Variants in SLIT3 observed in about 807,000 individuals in gnomAD.
The protein encoded by SLIT3 is slit homolog 3 protein.
In SLIT3, 68 loss-of-function variants were observed where a neutral mutation model predicts 184.0. The ratio of observed to expected loss-of-function variants is 0.37; its 90% CI spans 0.30 to 0.45. The LOEUF is 0.45. SLIT3 is among the 20% of genes least tolerant of loss of function. SLIT3 has a pLI of 1.00. For synonymous variants in SLIT3, 831 were observed against 828.6 expected (o/e 1.00, Z -0.05); for missense variants, 1,707 against 2,026.0 (o/e 0.84, Z 3.02).
intron 3 of SLIT3, among the ~76,000 whole-genome samples, chr5:169,207,384 C>T (rs1338308949): frequency 3.5e-4 from 53 of 149,726 alleles, no homozygotes; most frequent in African/African-American, 1.2e-3. Flanking sequence ...CACACACACA[C>T]ACACACACAC....
At chr5:168,789,738 T>A in intron 10 of SLIT3, 107 bp from the exon 11 acceptor site, 1 of 809,854 alleles carries the variant, frequency 1.2e-6, no homozygotes. Context: ...TAAGGATTAA[T>A]CAATCAATCA....
chr5:168,956,824 C>T (rs114046320), intron 4 of SLIT3, among the ~76,000 whole-genome samples: 1,962 of 151,724 alleles, frequency 0.013, 53 homozygotes, highest in African/African-American at 0.045. Flanking sequence ...CAGAAGGTAG[C>T]AAGATTTTGA....
intron 4 of SLIT3, chr5:169,023,853 A>C (rs1422991673): frequency 6.6e-6 from 1 of 152,148 alleles, no homozygotes; most frequent in Non-Finnish European, 1.5e-5. Context: ...TGGTATTATG[A>C]AGTCAGATGC....
intron 27 of SLIT3, among the ~76,000 whole-genome samples, chr5:168,696,654 T>C (rs1762074026): frequency 6.6e-6 from 1 of 152,172 alleles, no homozygotes; most frequent in Admixed American, 6.5e-5. Flanking sequence ...GGCAATGTTC[T>C]ATCTCCCCTG....
intron 5 of SLIT3, chr5:168,844,859 CA>C: frequency 1.9e-6 from 1 of 525,844 alleles, no homozygotes; most frequent in Non-Finnish European, 3.4e-6. Flanking sequence ...ACGAGCGCAC[CA>C]AAAGGCTGTC....
Position 169,198,656 on chromosome 5 carries a change from G to A in SLIT3, c.342-5106C>T, listed in dbSNP as rs950694057. The stretch of plus-strand genomic sequence containing the variant: ...TGAATTTTAAAAAGTTCTCCTGGCC[G>A]GGCGTGGTGGCTCATGCCTGTAATC... On this transcript the variant is annotated intron_variant, in intron 3 of 35. Coordinates refer to ENST00000519560, the MANE Select transcript of SLIT3 (RefSeq NM_003062.4). 3.9e-5 allele frequency among the ~76,000 whole-genome samples: 6 copies of A among 152,218 alleles called. No homozygotes were observed. The East Asian group carries it at 5.8e-4, about 15-fold the overall frequency.
chr5:168,766,194 T>C (rs1180054678), intron 14 of SLIT3, among the ~76,000 whole-genome samples: 1 of 152,200 alleles, frequency 6.6e-6, no homozygotes, highest in African/African-American at 2.4e-5. Context: ...CATAAATTCA[T>C]TGTTATCTGA....
At chr5:169,075,146 GTGAT>G (rs1248821047) in intron 4 of SLIT3, among the ~76,000 whole-genome samples, 8 of 151,860 alleles carry the variant, frequency 5.3e-5, no homozygotes, top group Admixed American at 1.3e-4. Flanking sequence ...TAACCTGGGA[GTGAT>G]TGATTGTCTT....
intron 4 of SLIT3, among the ~76,000 whole-genome samples, chr5:168,979,842 T>C (rs1267547016): frequency 6.6e-6 from 1 of 152,214 alleles, no homozygotes. Context: ...GTTTTCTCTA[T>C]TTTAACCTTC....
chr5:169,288,635 C>T (rs1336063191), intron 1 of SLIT3, among the ~76,000 whole-genome samples: 1 of 152,052 alleles, frequency 6.6e-6, no homozygotes, highest in Non-Finnish European at 1.5e-5. Context: ...ATTTCACTTG[C>T]TTTATTCATT....
chr5:169,001,255 A>G (rs1755693116), intron 4 of SLIT3, among the ~76,000 whole-genome samples: 1 of 152,168 alleles, frequency 6.6e-6, no homozygotes, highest in South Asian at 2.1e-4. Context: ...CCGTATTTTG[A>G]ACCTGTCTTG....
intron 4 of SLIT3, among the ~76,000 whole-genome samples, chr5:168,885,156 G>C (rs1484260193): frequency 3.3e-5 from 5 of 152,160 alleles, no homozygotes; most frequent in African/African-American, 1.2e-4. Flanking sequence ...TAGCTAAAAC[G>C]AAACTTGACG....
chr5:168,943,829 G>C (rs1333913886), intron 4 of SLIT3, among the ~76,000 whole-genome samples: 2 of 152,146 alleles, frequency 1.3e-5, no homozygotes, highest in South Asian at 2.1e-4. Context: ...CCTTGAATTA[G>C]TGCTTTGACA....
At chr5:168,726,356 G>C (rs1236671365) in intron 20 of SLIT3, among the ~76,000 whole-genome samples, 2 of 96,036 alleles carry the variant, frequency 2.1e-5, no homozygotes, top group Non-Finnish European at 2.2e-5. Context: ...GAGGCAGGGA[G>C]GGAGAGGGAG....
At chr5:168,788,879 T>C (rs996301596) in intron 11 of SLIT3, among the ~76,000 whole-genome samples, 1 of 152,142 alleles carries the variant, frequency 6.6e-6, no homozygotes. Flanking sequence ...TAGGAGGGAA[T>C]GGGATCACTG....
rs910273357 is a variant in SLIT3 at position 169,244,865 on chromosome 5, C to G, written c.270-89G>C. 8 of 1,074,438 alleles carry G rather than the reference C, an allele frequency of 7.4e-6. No individual in the cohort carries two copies. The African/African-American group carries it at 1.1e-4, about 15-fold the overall frequency. The allele number at this position is 1,074,438 out of a possible 1,614,324, so 66.6% of individuals were successfully genotyped here. On this transcript the variant is annotated intron_variant, in intron 2 of 35. Coordinates refer to ENST00000519560, the MANE Select transcript of SLIT3 (RefSeq NM_003062.4). ...TTCATGCCATGCAGGCATGGTCACT[C>G]AGCCCTTCCCATGATCGTCAGTGTC...
intron 4 of SLIT3, among the ~76,000 whole-genome samples, chr5:169,009,805 T>C (rs10038142): frequency 0.23 from 35,287 of 152,106 alleles, 4,562 homozygotes; most frequent in East Asian, 0.51. Context: ...AACACTGTAA[T>C]ATAGGGTATA....
At chr5:169,259,161 C>A (rs560792388) in intron 1 of SLIT3, among the ~76,000 whole-genome samples, 11 of 152,318 alleles carry the variant, frequency 7.2e-5, no homozygotes, top group Admixed American at 5.2e-4. Flanking sequence ...CAACCTCCAC[C>A]TCCCAGGTTC....
intron 20 of SLIT3, among the ~76,000 whole-genome samples, chr5:168,730,893 T>G (rs957897860): frequency 1.3e-5 from 2 of 151,794 alleles, no homozygotes; most frequent in African/African-American, 4.8e-5. Flanking sequence ...AGACTAAGGA[T>G]TCTAGTATGA....
Sources: gnomAD v4.1 joint callset for allele counts (sites outside exome capture counted in the v4.1 genomes callset) on GRCh38, gnomAD v4.1.1 for gene constraint, MANE v1.5 for transcripts, NCBI Gene and HGNC (gene_info 2026-07-23, HGNC 2026-07-21) for gene names.